The following EXD3 variants were observed in gnomAD, a reference collection of about 807,000 sequenced individuals.
EXD3 encodes the protein exonuclease 3'-5' domain containing 3, also known as exonuclease mut-7 homolog.
Under a neutral mutation model 98.0 loss-of-function variants are expected in EXD3, and 92 were observed. The ratio of observed to expected loss-of-function variants is 0.94; its 90% confidence interval spans 0.79 to 1.12. The LOEUF is 1.12. Ranked by LOEUF, EXD3 falls within the 50% of genes most tolerant of loss-of-function variation. The probability of loss-of-function intolerance (pLI) is 0.00; values close to 1 mark genes in which losing one functional copy is unlikely to be tolerated. For synonymous variants in EXD3, 569 were observed against 526.0 expected (o/e 1.08, Z -1.12); for missense variants, 1,222 against 1,191.6 (o/e 1.03, Z -0.38).
At chr9:137,314,150 A>C (rs1831510751) in intron 19 of EXD3, among the ~76,000 whole-genome samples, 2 of 152,156 alleles carry the variant, frequency 1.3e-5, no homozygotes, top group Non-Finnish European at 2.9e-5. Flanking sequence ...AGGGCGAGCC[A>C]GCGGCCCAGG....
Position 137,395,957 on chromosome 9 carries a change from T to C in EXD3, c.-47-553A>G, listed in dbSNP as rs1837199225. Among the ~76,000 whole-genome samples, 1 of 149,572 alleles carries C rather than the reference T, an allele frequency of 6.7e-6. No individual in the cohort carries two copies. Among genetic ancestry groups the C allele is most frequent in the African/African-American group, 2.5e-5 (1 of 40,480 alleles). The stretch of plus-strand genomic sequence containing the variant: ...TCCCTCAGAGTGTTTTTTTTTCTTT[T>C]CTTTCTTTCTTTCTTTTTTTTTTTT... On this transcript the variant is annotated intron_variant, in intron 1 of 21. Transcript: ENST00000340951. The surrounding 1 kb of genome is among the most constrained non-coding windows in gnomAD (Gnocchi z 6.5).
At position 137,355,455 on chromosome 9, in the gene EXD3, GAAGGAGA is replaced by G. The variant is rs1391775950; in HGVS notation, c.758-689_758-683del. On this transcript the variant is annotated intron_variant, in intron 8 of 21. Coordinates refer to ENST00000340951, the MANE Select transcript of EXD3 (RefSeq NM_017820.5). ...GAGGATGGAGGAAGGGAGGATGGAG[GAAGGAGA>G]AAGGAGGAAGGAGGAAGGAGGAAGG... Among the ~76,000 whole-genome samples, 357 of 125,092 alleles carry G rather than the reference GAAGGAGA, an allele frequency of 2.9e-3. 4 individuals carry two copies. Among genetic ancestry groups the G allele is most frequent in the Non-Finnish European group, 4.0e-3 (245 of 60,830 alleles). The allele number at this position is 125,092 out of a possible 152,430, so 82.1% of individuals were successfully genotyped here.
At chr9:137,389,948 C>T (rs548233951) in intron 2 of EXD3, among the ~76,000 whole-genome samples, 42 of 151,280 alleles carry the variant, frequency 2.8e-4, no homozygotes, top group African/African-American at 8.7e-4. Flanking sequence ...ATGGCGAAAC[C>T]CCGTCTCTAC....
intron 3 of EXD3, chr9:137,377,374 G>A (rs1835962749): frequency 1.3e-5 from 2 of 152,044 alleles, no homozygotes; most frequent in South Asian, 4.2e-4. Flanking sequence ...GAACCCGGGA[G>A]GCGGAGGTTG....
chr9:137,347,926 AC>A lies in EXD3; in HGVS notation c.1998+144del, dbSNP rs368707251. 180 of 1,011,630 alleles carry A rather than the reference AC, an allele frequency of 1.8e-4. No homozygotes were observed. The African/African-American group carries it at 2.2e-3, about 12-fold the overall frequency. The allele number at this position is 1,011,630 out of a possible 1,614,324, so 62.7% of individuals were successfully genotyped here. The stretch of plus-strand genomic sequence containing the variant: ...GCCCCCAACCGCTCCATCCTTGGCC[AC>A]CCCGTCCTGTTCCCAGAGCCTGCCT... On this transcript the variant is annotated intron_variant, in intron 17 of 21. Coordinates refer to ENST00000340951, the MANE Select transcript of EXD3 (RefSeq NM_017820.5). The surrounding 1 kb of genome is among the most constrained non-coding windows in gnomAD (Gnocchi z 4.2).
chr9:137,363,222 C>A (rs1835070900), intron 7 of EXD3, among the ~76,000 whole-genome samples: 1 of 148,386 alleles, frequency 6.7e-6, no homozygotes, highest in Non-Finnish European at 1.5e-5. Flanking sequence ...TTCCTTCCTC[C>A]TAATGTCCTT....
At chr9:137,311,863 G>A (rs566686585) in intron 19 of EXD3, among the ~76,000 whole-genome samples, 24 of 152,336 alleles carry the variant, frequency 1.6e-4, no homozygotes, top group African/African-American at 5.3e-4. Context: ...GCCACGGGCT[G>A]AGGGAGTGAG....
chr9:137,398,380 C>T (rs1385045074), intron 1 of EXD3, among the ~76,000 whole-genome samples: 1 of 152,230 alleles, frequency 6.6e-6, no homozygotes, highest in Admixed American at 6.5e-5. Flanking sequence ...TCCCTCTTGT[C>T]CCCTGTGCTC....
In EXD3 at chr9:137,347,956, A is replaced by G; in HGVS notation, c.1998+115T>C. ...GTCCTGTTCCCAGAGCCTGCCTGGC[A>G]CAGCTGGCAGCCATGGATGAGCTGG... On this transcript the variant is annotated intron_variant, in intron 17 of 21. Coordinates refer to ENST00000340951, the MANE Select transcript of EXD3 (RefSeq NM_017820.5). This position sits in a 1 kb window ranked among gnomAD's most constrained non-coding sequence, Gnocchi z 4.2. 1 of 1,282,126 alleles carries G rather than the reference A, an allele frequency of 7.8e-7. No homozygotes were observed. Among genetic ancestry groups the G allele is most frequent in the Non-Finnish European group, 1.1e-6 (1 of 941,896 alleles). The allele number at this position is 1,282,126 out of a possible 1,614,324, so 79.4% of individuals were successfully genotyped here. A position where few individuals can be genotyped will look rare whatever the true frequency, so the allele number is the denominator to read the frequency against.
At chr9:137,406,671 CCCA>C (rs1484630624) in intron 1 of EXD3, among the ~76,000 whole-genome samples, 1 of 152,174 alleles carries the variant, frequency 6.6e-6, no homozygotes, top group Non-Finnish European at 1.5e-5. Flanking sequence ...CAGCAGGTCC[CCCA>C]CCACCACCTC....
At chr9:137,313,223 G>A (rs1316594629) in intron 19 of EXD3, among the ~76,000 whole-genome samples, 1 of 152,196 alleles carries the variant, frequency 6.6e-6, no homozygotes, top group Non-Finnish European at 1.5e-5. Flanking sequence ...GTCCTGGGGT[G>A]TAGGGCAGCA....
At chr9:137,353,683 G>A (rs1834437171) in intron 10 of EXD3, 3 of 985,568 alleles carry the variant, frequency 3.0e-6, no homozygotes, top group Non-Finnish European at 3.6e-6. Context: ...GAAATGCAGG[G>A]CCCAGCACAA....
chr9:137,313,731 G>T (rs983386249), intron 19 of EXD3, among the ~76,000 whole-genome samples: 2 of 152,182 alleles, frequency 1.3e-5, no homozygotes, highest in African/African-American at 4.8e-5. Flanking sequence ...GGTCCAGGAG[G>T]AGTCAAGGCC....
chr9:137,327,415 G>A (rs1252600619), intron 17 of EXD3, among the ~76,000 whole-genome samples: 1 of 152,156 alleles, frequency 6.6e-6, no homozygotes, highest in Non-Finnish European at 1.5e-5. Context: ...TTACAGGTGT[G>A]AGCCACCGCG....
intron 10 of EXD3, chr9:137,353,626 AG>A: frequency 1.0e-6 from 1 of 986,066 alleles, no homozygotes; most frequent in Non-Finnish European, 1.2e-6. Flanking sequence ...CGCCCAGCCC[AG>A]GAGCAGAGGC....
rs369442019 is a variant in EXD3, at chr9:137,380,181, G to A, written c.120+3132C>T. Among the ~76,000 whole-genome samples, 91 of 151,130 alleles carry A rather than the reference G, an allele frequency of 6.0e-4. 1 individual carries two copies. Among genetic ancestry groups the A allele is most frequent in the African/African-American group, 2.0e-3 (82 of 41,038 alleles). On this transcript the variant is annotated intron_variant, in intron 3 of 21. Coordinates refer to ENST00000340951, the MANE Select transcript of EXD3 (RefSeq NM_017820.5). Reference sequence around the variant, plus strand: ...AGGAAGCCGTCCCACCCACCCTGCCGGTCCCTCCTCCCTTCGAGCCCTTCA... The same window carrying A: ...AGGAAGCCGTCCCACCCACCCTGCCAGTCCCTCCTCCCTTCGAGCCCTTCA...
At chr9:137,400,705 C>A (rs1837440138) in intron 1 of EXD3, among the ~76,000 whole-genome samples, 1 of 150,662 alleles carries the variant, frequency 6.6e-6, no homozygotes, top group Non-Finnish European at 1.5e-5. Flanking sequence ...GTGGAGGTTG[C>A]AATGAGCCGA....
At chr9:137,364,552 G>A (rs1024258218) in intron 7 of EXD3, among the ~76,000 whole-genome samples, 1 of 151,758 alleles carries the variant, frequency 6.6e-6, no homozygotes, top group Admixed American at 6.6e-5. Context: ...AACCCGGGAG[G>A]TGAAGGTTGC....
intron 1 of EXD3, among the ~76,000 whole-genome samples, chr9:137,416,643 C>G (rs1158682780): frequency 1.3e-5 from 2 of 152,222 alleles, no homozygotes; most frequent in African/African-American, 4.8e-5. Flanking sequence ...GAGCATCATC[C>G]TGCGCCACGC....
Sources: gnomAD v4.1 joint callset for allele counts (sites outside exome capture counted in the v4.1 genomes callset) on GRCh38, gnomAD v4.1.1 for gene constraint, Gnocchi (gnomAD v3.1) non-coding constraint, MANE v1.5 for transcripts, NCBI Gene and HGNC (gene_info 2026-07-23, HGNC 2026-07-21) for gene names.